ATRN: variants seen among roughly 807,000 people sequenced by gnomAD.
The protein encoded by ATRN is attractin-2.
ATRN carries 54 observed loss-of-function variants against 178.7 expected under a neutral mutation model. That is an observed-to-expected ratio of 0.30 (90% CI 0.24 to 0.38). The LOEUF (loss-of-function observed/expected upper bound fraction) is 0.38. ATRN is among the 10% of genes least tolerant of loss of function. The probability of loss-of-function intolerance (pLI) is 1.00; values close to 1 mark genes in which losing one functional copy is unlikely to be tolerated. For synonymous variants in ATRN, 636 were observed against 663.0 expected (o/e 0.96, Z 0.63); for missense variants, 1,443 against 1,815.1 (o/e 0.79, Z 3.73).
At chr20:3,640,089 A>G (rs1011375284) in intron 27 of ATRN, among the ~76,000 whole-genome samples, 2 of 152,262 alleles carry the variant, frequency 1.3e-5, no homozygotes, top group Non-Finnish European at 2.9e-5. Flanking sequence ...AGAATATAAT[A>G]TAACTGTGTA....
At chr20:3,548,550 G>A (rs1031392153) in intron 5 of ATRN, among the ~76,000 whole-genome samples, 3 of 143,116 alleles carry the variant, frequency 2.1e-5, no homozygotes, top group African/African-American at 5.3e-5. Flanking sequence ...GCAGTGAGCC[G>A]AGATCATACC....
At chr20:3,520,526 G>T (rs1358843959) in intron 1 of ATRN, among the ~76,000 whole-genome samples, 3 of 152,068 alleles carry the variant, frequency 2.0e-5, no homozygotes, top group Admixed American at 2.0e-4. Context: ...ACAGAATCTT[G>T]CTCTGTCACC....
chr20:3,625,704 G>T (rs2086932587), intron 25 of ATRN, among the ~76,000 whole-genome samples: 2 of 151,926 alleles, frequency 1.3e-5, no homozygotes, highest in South Asian at 4.2e-4. Flanking sequence ...CCCACCTCCT[G>T]CCCCCAAGTG....
At chr20:3,548,715 G>A (rs2085744286) in intron 5 of ATRN, among the ~76,000 whole-genome samples, 1 of 152,112 alleles carries the variant, frequency 6.6e-6, no homozygotes, top group Admixed American at 6.5e-5. Context: ...GTGAGTTAGA[G>A]TATATGGCAG....
intron 10 of ATRN, among the ~76,000 whole-genome samples, chr20:3,564,288 C>G (rs1303725011): frequency 6.6e-6 from 1 of 152,180 alleles, no homozygotes; most frequent in East Asian, 1.9e-4. Context: ...TCTGAGTACC[C>G]TTTAAGTCAT....
intron 1 of ATRN, among the ~76,000 whole-genome samples, chr20:3,522,426 T>C (rs1487328851): frequency 6.6e-6 from 1 of 152,216 alleles, no homozygotes; most frequent in African/African-American, 2.4e-5. Context: ...CAGGGGCTTA[T>C]AGATAAAACT....
intron 1 of ATRN, among the ~76,000 whole-genome samples, chr20:3,518,209 G>A (rs1402560774): frequency 1.3e-5 from 2 of 152,116 alleles, no homozygotes; most frequent in African/African-American, 4.8e-5. Flanking sequence ...GGTATAACGG[G>A]ACCCAGCACT....
intron 1 of ATRN, among the ~76,000 whole-genome samples, chr20:3,493,122 TTGTGTG>T (rs10601580): frequency 2.6e-4 from 37 of 141,236 alleles, no homozygotes; most frequent in African/African-American, 6.6e-4. Context: ...GTACGTTTGT[TTGTGTG>T]TGTGTGTGTG....
At chr20:3,507,059 T>G (rs933993179) in intron 1 of ATRN, among the ~76,000 whole-genome samples, 2 of 151,838 alleles carry the variant, frequency 1.3e-5, no homozygotes, top group Non-Finnish European at 2.9e-5. Flanking sequence ...TTTTGTTTTT[T>G]TTTTTTTAAT....
In ATRN at chr20:3,508,401, A is replaced by T. The variant is rs563393895; in HGVS notation, c.411-26852A>T. The stretch of plus-strand genomic sequence containing the variant: ...ATCTTAGACTCCTGGGCCATGTAAG[A>T]TCTCTGCCACAGCTATTCTGCATTG... On this transcript the variant is annotated intron_variant, in intron 1 of 28. Transcript: ENST00000262919. Among the ~76,000 whole-genome samples, 23 of 152,256 alleles carry T rather than the reference A, an allele frequency of 1.5e-4. No homozygotes were observed. In the South Asian group the frequency reaches 4.8e-3, roughly 32 times the overall value.
At chr20:3,498,209 G>T in intron 1 of ATRN, among the ~76,000 whole-genome samples, 1 of 152,082 alleles carries the variant, frequency 6.6e-6, no homozygotes, top group South Asian at 2.1e-4. Context: ...CAACCAAAAA[G>T]AGTCCAGGAC....
rs950131911 is a variant in ATRN, at chr20:3,521,732, A to G, written c.411-13521A>G. 6.6e-5 allele frequency among the ~76,000 whole-genome samples: 10 copies of G among 152,346 alleles called. No individual in the cohort carries two copies. In the South Asian group the frequency reaches 8.3e-4, roughly 13 times the overall value. On this transcript the variant is annotated intron_variant, in intron 1 of 28. Coordinates refer to ENST00000262919, the MANE Select transcript of ATRN (RefSeq NM_139321.3). Reference sequence around the variant, plus strand: ...TGGAACATTCAGTAAAATAGACTATATGCTGGATAATAGAACAAGTCTCAA... The same window carrying G: ...TGGAACATTCAGTAAAATAGACTATGTGCTGGATAATAGAACAAGTCTCAA...
At chr20:3,521,575 A>T (rs1174323319) in intron 1 of ATRN, among the ~76,000 whole-genome samples, 1 of 152,206 alleles carries the variant, frequency 6.6e-6, no homozygotes, top group Admixed American at 6.5e-5. Flanking sequence ...GCCTTTCAAT[A>T]TCAATAAAAC....
intron 24 of ATRN, among the ~76,000 whole-genome samples, chr20:3,622,644 T>A (rs1010656137): frequency 1.3e-5 from 2 of 152,250 alleles, no homozygotes; most frequent in Admixed American, 1.3e-4. Context: ...TCAGCAGGGT[T>A]AGATGTTTCT....
chr20:3,524,387 CAATACAGGAGCACCCAGA>C (rs1359769594), intron 1 of ATRN, among the ~76,000 whole-genome samples: 2 of 152,134 alleles, frequency 1.3e-5, no homozygotes, highest in African/African-American at 4.8e-5. Context: ...TATATGCACC[CAATACAGGAGCACCCAGA>C]TTCGTAAAGC....
chr20:3,544,494 A>G (rs2085669638), intron 3 of ATRN, among the ~76,000 whole-genome samples: 1 of 151,662 alleles, frequency 6.6e-6, no homozygotes, highest in African/African-American at 2.4e-5. Flanking sequence ...GCTTTTACCA[A>G]ATGTGGTGGT....
intron 1 of ATRN, among the ~76,000 whole-genome samples, chr20:3,483,961 A>G (rs1568680656): frequency 6.6e-6 from 1 of 152,172 alleles, no homozygotes; most frequent in East Asian, 1.9e-4. Context: ...TTTAAAAAAT[A>G]CATGAGGCCG....
chr20:3,601,385 G>A (rs1323618324), intron 23 of ATRN, among the ~76,000 whole-genome samples: 2 of 152,068 alleles, frequency 1.3e-5, no homozygotes, highest in South Asian at 2.1e-4. Flanking sequence ...GTCTACATTC[G>A]TGCTTCGGAA....
At chr20:3,550,781 A>G (rs2085776016) in intron 6 of ATRN, among the ~76,000 whole-genome samples, 1 of 152,010 alleles carries the variant, frequency 6.6e-6, no homozygotes, top group Admixed American at 6.6e-5. Flanking sequence ...TTTCTTACAC[A>G]TCCCCCTTCC....
Sources: allele counts gnomAD v4.1 joint callset (sites outside exome capture counted in the v4.1 genomes callset), GRCh38; gene constraint gnomAD v4.1.1; transcripts MANE v1.5; gene names NCBI Gene and HGNC (gene_info 2026-07-23, HGNC 2026-07-21).